NF1: variants seen among roughly 807,000 people sequenced by gnomAD.
The protein encoded by NF1 is neurofibromin.
NF1 carries 122 observed loss-of-function variants against 325.7 expected under a neutral mutation model. That is an observed-to-expected ratio of 0.37 (90% CI 0.32 to 0.44). The LOEUF (loss-of-function observed/expected upper bound fraction) is 0.44, where lower values mean the gene tolerates loss of function less well. Among genes scored for constraint, NF1 ranks in the 20% least tolerant of loss-of-function variants. The probability of loss-of-function intolerance (pLI) is 1.00; values close to 1 mark genes in which losing one functional copy is unlikely to be tolerated. For missense variants in NF1, 2,140 were observed against 3,415.4 expected, an observed-to-expected ratio of 0.63 and a Z score of 9.31; for synonymous variants, 1,091 against 1,186.0, an observed-to-expected ratio of 0.92 and a Z score of 1.65.
At chr17:31,295,505 C>T (rs2068444550) in intron 36 of NF1, 4 of 1,614,024 alleles carry the variant, frequency 2.5e-6, no homozygotes, top group Admixed American at 1.7e-5. Context: ...AGTGAATAAG[C>T]TTGAGGTAAA....
At chr17:31,208,241 A>G (rs902978407) in intron 12 of NF1, among the ~76,000 whole-genome samples, 1 of 152,198 alleles carries the variant, frequency 6.6e-6, no homozygotes, top group East Asian at 1.9e-4. Context: ...TTTCAAAATC[A>G]TTCCTAAGCT....
intron 47 of NF1, among the ~76,000 whole-genome samples, 175 bp downstream of exon 47, chr17:31,340,820 G>C (rs1161239661): frequency 7.5e-6 from 1 of 132,602 alleles, no homozygotes; most frequent in Non-Finnish European, 1.6e-5. Flanking sequence ...ATGTAAACTT[G>C]AATGCATATT....
chr17:31,214,096 G>C (rs1315239038), intron 12 of NF1, among the ~76,000 whole-genome samples: 1 of 152,072 alleles, frequency 6.6e-6, no homozygotes, highest in African/African-American at 2.4e-5. Context: ...GTGTATATTT[G>C]TGAGAACTAT....
At position 31,169,939 on chromosome 17, in the gene NF1, T is replaced by C. The variant is rs112306990; in HGVS notation, c.528T>C (p.Asp176=). 1 of 1,612,996 alleles carries C rather than the reference T, an allele frequency of 6.2e-7. No individual in the cohort carries two copies. The highest frequency in any genetic ancestry group is 8.5e-7 in the Non-Finnish European group (1 of 1,179,250). Residue 176 remains aspartate (D), a synonymous_variant, in exon 5 of 58, where the codon GAT becomes GAC. Coordinates refer to ENST00000358273, the MANE Select transcript of NF1 (RefSeq NM_001042492.3). ...CAGAAGACAATGTTGATGTTCATGA[T>C]ATAGAATTGTTACAGTATATCAATG... is the stretch of plus-strand genomic sequence containing the variant. The part of the protein sequence containing the change: ...VCSEDNVDVH[D]IELLQYINVD...
chr17:31,343,811 C>T (rs990865700), intron 48 of NF1, among the ~76,000 whole-genome samples: 1 of 151,990 alleles, frequency 6.6e-6, no homozygotes, highest in Admixed American at 6.6e-5. Context: ...AAAACATTAG[C>T]CAGGTGCGGT....
chr17:31,184,751 G>T lies in NF1; in HGVS notation c.888+2086G>T, dbSNP rs144318665. ...GAAGCAGATACTGAGCCTCAAATCT[G>T]CTAAGATTGACCTGAGTGAGACCCT... On this transcript the variant is annotated intron_variant, in intron 8 of 57. Transcript: ENST00000358273. 3.7e-4 allele frequency among the ~76,000 whole-genome samples: 57 copies of T among 152,240 alleles called. No homozygotes were observed. In the East Asian group the frequency reaches 9.3e-3, roughly 25 times the overall value.
chr17:31,269,762 A>T (rs1384707891), intron 36 of NF1, among the ~76,000 whole-genome samples: 1 of 152,072 alleles, frequency 6.6e-6, no homozygotes, highest in Non-Finnish European at 1.5e-5. Flanking sequence ...GAGGAAAAAC[A>T]CCTCTTTCCC....
At chr17:31,345,142 G>A (rs554939994) in intron 48 of NF1, among the ~76,000 whole-genome samples, 1 of 152,168 alleles carries the variant, frequency 6.6e-6, no homozygotes, top group African/African-American at 2.4e-5. Flanking sequence ...GAAAAGAAAA[G>A]AAGACCAGAT....
chr17:31,230,746 A>C (rs17881095), intron 23 of NF1, 96 bp from the exon 24 acceptor site: 1 of 968,570 alleles, frequency 1.0e-6, no homozygotes, highest in Non-Finnish European at 1.6e-6. Flanking sequence ...TTATCTGGCA[A>C]ATTATTTGCA....
intron 36 of NF1, among the ~76,000 whole-genome samples, chr17:31,309,306 G>A (rs2068808516): frequency 6.6e-6 from 1 of 152,118 alleles, no homozygotes; most frequent in Admixed American, 6.6e-5. Context: ...TTCCATTTTA[G>A]TTTTTGCTTT....
intron 1 of NF1, among the ~76,000 whole-genome samples, chr17:31,131,208 T>G (rs1437003525): frequency 3.3e-5 from 5 of 152,190 alleles, no homozygotes; most frequent in African/African-American, 1.2e-4. Flanking sequence ...CCAAAACCTC[T>G]GAGCTCTGCC....
At chr17:31,321,265 A>G (rs1475765262) in intron 36 of NF1, among the ~76,000 whole-genome samples, 2 of 152,236 alleles carry the variant, frequency 1.3e-5, no homozygotes, top group Non-Finnish European at 2.9e-5. Context: ...TGAGGAAACC[A>G]AACTTAGATC....
At chr17:31,100,967 T>C (rs1475515428) in intron 1 of NF1, among the ~76,000 whole-genome samples, 1 of 152,198 alleles carries the variant, frequency 6.6e-6, no homozygotes, top group Non-Finnish European at 1.5e-5. Flanking sequence ...ATTTAGTCTT[T>C]ATGTTGGCTG....
At position 31,253,071 on chromosome 17, in the gene NF1, A is replaced by G. The variant is rs1037786188; in HGVS notation, c.4173+71A>G. 7 of 1,224,486 alleles carry G rather than the reference A, an allele frequency of 5.7e-6. No homozygotes were observed. In the African/African-American group the frequency reaches 8.9e-5, roughly 16 times the overall value. 75.9% of individuals were successfully genotyped at this position (1,224,486 alleles called of 1,614,324 possible). Reference sequence around the variant, plus strand: ...CAAAAATCTTTTGCTGTTTGTTAAGAATATCTTCACTTCAGCCTATTTGAC... The same window carrying G: ...CAAAAATCTTTTGCTGTTTGTTAAGGATATCTTCACTTCAGCCTATTTGAC... On this transcript the variant is annotated intron_variant, in intron 31 of 57. Transcript: ENST00000358273.
chr17:31,106,221 T>A (rs1912849565), intron 1 of NF1, among the ~76,000 whole-genome samples: 1 of 152,172 alleles, frequency 6.6e-6, no homozygotes, highest in Non-Finnish European at 1.5e-5. Context: ...GAACATCAGT[T>A]TTCTATATTT....
At chr17:31,249,338 A>G (rs184750931) in intron 30 of NF1, among the ~76,000 whole-genome samples, 1 of 152,338 alleles carries the variant, frequency 6.6e-6, no homozygotes, top group East Asian at 1.9e-4. Context: ...AAAATACTAA[A>G]TTTTACTTGC....
At chr17:31,175,628 C>G (rs926368806) in intron 5 of NF1, among the ~76,000 whole-genome samples, 4 of 152,248 alleles carry the variant, frequency 2.6e-5, no homozygotes, top group Admixed American at 6.5e-5. Context: ...CTGCACCCAT[C>G]AACGCATCAT....
chr17:31,316,057 C>T (rs781239674), intron 36 of NF1, among the ~76,000 whole-genome samples: 18 of 152,106 alleles, frequency 1.2e-4, no homozygotes, highest in East Asian at 9.7e-4. Context: ...CTACTATGCT[C>T]GCTGGCTGGC....
intron 29 of NF1, among the ~76,000 whole-genome samples, chr17:31,241,998 A>C (rs1185615535): frequency 2.0e-5 from 3 of 151,160 alleles, no homozygotes; most frequent in Non-Finnish European, 2.9e-5. Context: ...GGATATTTTC[A>C]CTGGATACTG....
Sources: gnomAD v4.1 joint callset for allele counts (sites outside exome capture counted in the v4.1 genomes callset) on GRCh38, gnomAD v4.1.1 for gene constraint, MANE v1.5 for transcripts, NCBI Gene and HGNC (gene_info 2026-07-23, HGNC 2026-07-21) for gene names.